Variants in ERAP2 observed in about 807,000 individuals in gnomAD.
ERAP2 encodes the protein leukocyte-derived arginine aminopeptidase.
A neutral mutation model predicts 111.1 loss-of-function variants in ERAP2; 118 were observed. The observed-to-expected ratio is 1.06, with a 90% CI of 0.92 to 1.24. The LOEUF is 1.24. Among genes scored for constraint, ERAP2 ranks in the 50% most tolerant of loss-of-function variants. ERAP2 has a pLI of 0.00. For synonymous variants in ERAP2, 410 were observed against 401.2 expected (o/e 1.02, Z -0.26); for missense variants, 1,131 against 1,125.8 (o/e 1.00, Z -0.07).
At position 96,915,756 on chromosome 5, in the gene ERAP2, A is replaced by T. The variant is rs200664779; in HGVS notation, c.2726A>T (p.Asp909Val). 30 of 1,602,110 alleles carry T rather than the reference A, an allele frequency of 1.9e-5. 1 individual carries two copies. The Middle Eastern group carries it at 9.9e-4, about 53-fold the overall frequency. ...ACAACAGCTCACTTTTCTTCCAAGG[A>T]TAAGTTGCAAGAGGTTTGTGACTTT... ...SGTTAHFSSK[D>V]KLQEVKLFFE... is the part of the protein sequence containing the mutation. Residue 909 changes from aspartate to valine, a missense_variant, in exon 18 of 19, where the codon GAT becomes GTT. By Grantham distance (152) the Asp-to-Val change is radical. This residue lies in a region of ERAP2 where 279 missense variants were observed against 250.9 expected (regional missense o/e 1.11). Coordinates refer to ENST00000437043, the MANE Select transcript of ERAP2 (RefSeq NM_022350.5).
chr5:96,905,983 T>C (rs1473083225), intron 13 of ERAP2, among the ~76,000 whole-genome samples: 1 of 151,364 alleles, frequency 6.6e-6, no homozygotes, highest in African/African-American at 2.4e-5. Flanking sequence ...CTCCCTATAT[T>C]GTACAGGCTG....
At chr5:96,889,107 T>C (rs1295495438) in intron 4 of ERAP2, 78 bp from the exon 5 acceptor site, 2 of 1,548,818 alleles carry the variant, frequency 1.3e-6, no homozygotes, top group Non-Finnish European at 1.8e-6. Context: ...TCTGCCTTTC[T>C]GTGTGAGAGG....
At chr5:96,877,451 A>G (rs1782657691) in intron 1 of ERAP2, among the ~76,000 whole-genome samples, 1 of 152,220 alleles carries the variant, frequency 6.6e-6, no homozygotes, top group African/African-American at 2.4e-5. Flanking sequence ...TGGCCATTGA[A>G]TGCAAGTTAT....
At chr5:96,890,883 C>T (rs1220150987) in intron 5 of ERAP2, among the ~76,000 whole-genome samples, 2 of 152,084 alleles carry the variant, frequency 1.3e-5, no homozygotes, top group African/African-American at 4.8e-5. Flanking sequence ...TTAATAACAG[C>T]CATCAACAAT....
chr5:96,884,123 T>C (rs1050863221), intron 3 of ERAP2, among the ~76,000 whole-genome samples, 193 bp downstream of exon 3: 6 of 146,930 alleles, frequency 4.1e-5, no homozygotes, highest in African/African-American at 1.3e-4. Flanking sequence ...ATCATTCTGT[T>C]TGGGGCATTG....
At chr5:96,902,420 G>A (rs1785572867) in intron 12 of ERAP2, 67 bp downstream of exon 12, 3 of 948,796 alleles carry the variant, frequency 3.2e-6, no homozygotes, top group Middle Eastern at 2.1e-4. Context: ...GCTATTTGAA[G>A]GAACGATACA....
In ERAP2 at chr5:96,915,702, C is replaced by T; in HGVS notation, c.2672C>T (p.Ser891Leu). Residue 891 changes from serine to leucine, a missense_variant, in exon 18 of 19, where the codon TCA (serine) becomes TTA (leucine). Coordinates refer to ENST00000437043, the MANE Select transcript of ERAP2 (RefSeq NM_022350.5). Reference protein sequence around the residue: ...THLLKKFDLGSYDIRMIISGT... With the variant: ...THLLKKFDLGLYDIRMIISGT... ...TTTATTTTCAGATTTGACTTGGGCT[C>T]ATATGACATAAGGATGATCATCTCT... is the stretch of plus-strand genomic sequence containing the variant. 1 of 1,550,134 alleles carries T rather than the reference C, an allele frequency of 6.5e-7. No individual in the cohort carries two copies. Among genetic ancestry groups the T allele is most frequent in the Non-Finnish European group, 8.7e-7 (1 of 1,150,132 alleles).
At chr5:96,876,858 A>G (rs191800812) in intron 1 of ERAP2, among the ~76,000 whole-genome samples, 40 of 152,366 alleles carry the variant, frequency 2.6e-4, no homozygotes, top group African/African-American at 9.4e-4. Flanking sequence ...AAAGCCCACC[A>G]GACCAAAGGG....
rs1050160352 is a variant in ERAP2, at chr5:96,887,552, G to A, written c.849+763G>A. 2.6e-5 allele frequency among the ~76,000 whole-genome samples: 4 copies of A among 152,002 alleles called. No individual in the cohort carries two copies. In the South Asian group the frequency reaches 6.2e-4, roughly 24 times the overall value. On this transcript the variant is annotated intron_variant, in intron 4 of 18. Transcript: ENST00000437043. ...TGACCTCAGGTGATCCTCCTGCCTT[G>A]GCCTCCCAAAGTGTTGGGATTACAG...
chr5:96,899,312 G>A (rs752940071), intron 9 of ERAP2, among the ~76,000 whole-genome samples: 1 of 152,064 alleles, frequency 6.6e-6, no homozygotes, highest in African/African-American at 2.4e-5. Context: ...TTCCCCTAAA[G>A]GTCCTAGATT....
chr5:96,882,064 C>T (rs887025446), intron 2 of ERAP2, among the ~76,000 whole-genome samples: 1 of 152,150 alleles, frequency 6.6e-6, no homozygotes, highest in Non-Finnish European at 1.5e-5. Context: ...CTGCAGCCAT[C>T]CACCTAGGAC....
chr5:96,904,333 C>T (rs2112277994), intron 13 of ERAP2, among the ~76,000 whole-genome samples: 1 of 152,270 alleles, frequency 6.6e-6, no homozygotes, highest in Middle Eastern at 3.4e-3. Flanking sequence ...TGCAAGCTTT[C>T]CCTATTCTGA....
At chr5:96,884,939 TC>T (rs1287254990) in intron 3 of ERAP2, among the ~76,000 whole-genome samples, 8 of 139,742 alleles carry the variant, frequency 5.7e-5, no homozygotes, top group South Asian at 5.0e-4. Flanking sequence ...TAAATCCTTG[TC>T]TAGCAGTCAG....
At chr5:96,889,824 A>G (rs1784143173) in intron 5 of ERAP2, among the ~76,000 whole-genome samples, 1 of 107,666 alleles carries the variant, frequency 9.3e-6, no homozygotes, top group Non-Finnish European at 1.8e-5. Flanking sequence ...TTCCATTAAA[A>G]AATACATACA....
chr5:96,888,158 GA>G (rs869172730), intron 4 of ERAP2, among the ~76,000 whole-genome samples: 60 of 97,376 alleles, frequency 6.2e-4, no homozygotes, highest in African/African-American at 2.2e-3. Flanking sequence ...AAGAATAAAA[GA>G]AAAAAAAAGA....
At position 96,889,288 on chromosome 5, in the gene ERAP2, A is replaced by C; in HGVS notation, c.953A>C (p.Tyr318Ser). The C allele has an allele frequency of 6.2e-7, 1 of 1,613,996 alleles. No homozygotes were observed. The highest frequency in any genetic ancestry group is 2.2e-5 in the East Asian group (1 of 44,868). The change falls in exon 5 of 19, where the codon TAT becomes TCT. Residue 318 changes from tyrosine to serine, a missense_variant. Tyr to Ser is a moderately radical substitution (Grantham distance 144). Around this residue, in one of 3 missense-constraint regions of ERAP2, gnomAD observed 847 missense variants for 856.5 expected, o/e 0.99. Coordinates refer to ENST00000437043, the MANE Select transcript of ERAP2 (RefSeq NM_022350.5). ...TATGAAAAGTACTTTGATATCTACT[A>C]TCCACTCTCCAAACTGGGTATGTTC... ...DFYEKYFDIY[Y>S]PLSKLDLIAI... is the part of the protein sequence containing the mutation.
At position 96,915,761 on chromosome 5, in the gene ERAP2, T is replaced by C; in HGVS notation, c.2731T>C (p.Leu911=). The C allele has an allele frequency of 1.2e-6, 2 of 1,600,384 alleles. No homozygotes were observed. Among genetic ancestry groups the C allele is most frequent in the Non-Finnish European group, 1.7e-6 (2 of 1,173,366 alleles). Residue 911 remains leucine (L), a synonymous_variant, in exon 18 of 19, where the codon TTG becomes CTG. Coordinates refer to ENST00000437043, the MANE Select transcript of ERAP2 (RefSeq NM_022350.5). Reference sequence around the variant, plus strand: ...AGCTCACTTTTCTTCCAAGGATAAGTTGCAAGAGGTTTGTGACTTTCTGTT... The same window carrying C: ...AGCTCACTTTTCTTCCAAGGATAAGCTGCAAGAGGTTTGTGACTTTCTGTT... The part of the protein sequence containing the change: ...TTAHFSSKDK[L]QEVKLFFESL...
At chr5:96,901,193 T>A (rs374943910) in intron 10 of ERAP2, among the ~76,000 whole-genome samples, 11,398 of 147,942 alleles carry the variant, frequency 0.077, 503 homozygotes, top group South Asian at 0.15. Context: ...TGTTTGATTT[T>A]GTTTGTTTGC....
rs1286172259 is a variant in ERAP2 at position 96,883,949 on chromosome 5, AC to A, written c.714+20del. The A allele has an allele frequency of 6.5e-7, 1 of 1,546,786 alleles. No individual in the cohort carries two copies. The highest frequency in any genetic ancestry group is 1.4e-5 in the African/African-American group (1 of 71,298). On this transcript the variant is annotated intron_variant, in intron 3 of 18. Coordinates refer to ENST00000437043, the MANE Select transcript of ERAP2 (RefSeq NM_022350.5). The stretch of plus-strand genomic sequence containing the variant: ...GCCAAAGGTATGTCCACTTCCAGAA[AC>A]TTTTAGAAATTGTTCTCAAGTTGAG...
Sources: gnomAD v4.1 joint callset for allele counts (sites outside exome capture counted in the v4.1 genomes callset) on GRCh38, gnomAD v4.1.1 for gene constraint, gnomAD v4.1.1 regional missense constraint, MANE v1.5 for transcripts, NCBI Gene and HGNC (gene_info 2026-07-23, HGNC 2026-07-21) for gene names.